The following HABP4 variants were observed in gnomAD, a reference collection of about 807,000 sequenced individuals.
HABP4 encodes the protein intracellular hyaluronan-binding protein 4.
Under a neutral mutation model 44.1 loss-of-function variants are expected in HABP4, and 32 were observed. That is an observed-to-expected ratio of 0.73 (90% CI 0.55 to 0.97). The LOEUF is 0.97. Ranked by LOEUF, HABP4 falls within the 50% of genes least tolerant of loss-of-function variation. The pLI is 0.00. For synonymous variants in HABP4, 216 were observed against 218.0 expected (o/e 0.99, Z 0.08); for missense variants, 503 against 561.9 (o/e 0.90, Z 1.06).
intron 5 of HABP4, among the ~76,000 whole-genome samples, chr9:96,479,937 G>T (rs1047045203): frequency 2.6e-5 from 4 of 152,152 alleles, no homozygotes; most frequent in African/African-American, 9.7e-5. Flanking sequence ...AGGCCAAAGT[G>T]GGTGGATTGC....
intron 5 of HABP4, among the ~76,000 whole-genome samples, chr9:96,478,493 C>T (rs1283123061): frequency 1.3e-5 from 2 of 152,044 alleles, no homozygotes; most frequent in Non-Finnish European, 2.9e-5. Flanking sequence ...GGGTAAATAC[C>T]TAGGAGTGGA....
intron 1 of HABP4, among the ~76,000 whole-genome samples, chr9:96,453,298 T>A (rs562531845): frequency 1.3e-5 from 2 of 152,008 alleles, no homozygotes; most frequent in African/African-American, 4.8e-5. Context: ...ATGGTCTCGA[T>A]CTCTTGACCT....
At position 96,488,499 on chromosome 9, in the gene HABP4, C is replaced by T. The variant is rs940952616; in HGVS notation, c.1185+225C>T. Reference sequence around the variant, plus strand: ...CCAGGGTCTGCTGTGAAGGCACTCCCGGGATCAGAGAGAAACTCACTGTCA... The same window carrying T: ...CCAGGGTCTGCTGTGAAGGCACTCCTGGGATCAGAGAGAAACTCACTGTCA... On this transcript the variant is annotated intron_variant, in intron 7 of 7. Transcript: ENST00000375249. The surrounding 1 kb of genome is among the most constrained non-coding windows in gnomAD (Gnocchi z 4.6). Among the ~76,000 whole-genome samples the T allele has an allele frequency of 2.0e-5, 3 of 152,150 alleles. No homozygotes were observed. The highest frequency in any genetic ancestry group is 4.4e-5 in the Non-Finnish European group (3 of 68,038).
At chr9:96,458,251 T>C in intron 1 of HABP4, 128 bp from the exon 2 acceptor site, 1 of 982,846 alleles carries the variant, frequency 1.0e-6, no homozygotes, top group East Asian at 2.4e-5. Flanking sequence ...TGAAGTTTTC[T>C]AAACTTCCTG....
At chr9:96,470,250 A>T (rs899908119) in intron 4 of HABP4, among the ~76,000 whole-genome samples, 2 of 151,932 alleles carry the variant, frequency 1.3e-5, no homozygotes, top group Non-Finnish European at 2.9e-5. Flanking sequence ...TCGAGACTAC[A>T]GTGAGCTGTG....
At chr9:96,463,131 A>G (rs1832534514) in intron 2 of HABP4, among the ~76,000 whole-genome samples, 2 of 152,108 alleles carry the variant, frequency 1.3e-5, no homozygotes, top group South Asian at 4.1e-4. Flanking sequence ...TTTTTAGTAG[A>G]GATGGGGTTT....
chr9:96,474,072 A>G (rs1832740272), intron 5 of HABP4, among the ~76,000 whole-genome samples: 1 of 152,200 alleles, frequency 6.6e-6, no homozygotes, highest in Admixed American at 6.5e-5. Flanking sequence ...GGTGCCTGGC[A>G]TGTAGCTAGT....
At chr9:96,474,423 T>C (rs1405222734) in intron 5 of HABP4, among the ~76,000 whole-genome samples, 1 of 152,208 alleles carries the variant, frequency 6.6e-6, no homozygotes, top group Non-Finnish European at 1.5e-5. Flanking sequence ...ATCTATAGAA[T>C]TGATTGAGAT....
chr9:96,451,377 C>T (rs1200941687), intron 1 of HABP4: 1 of 501,474 alleles, frequency 2.0e-6, no homozygotes, highest in Admixed American at 6.4e-5. Context: ...TGCCTGTGGA[C>T]GGGGAGGGTG....
chr9:96,467,350 A>G (rs1401934160), intron 4 of HABP4, among the ~76,000 whole-genome samples: 1 of 152,230 alleles, frequency 6.6e-6, no homozygotes, highest in South Asian at 2.1e-4. Context: ...CTCCTTGAAA[A>G]GAAGAGAAAC....
In HABP4 at chr9:96,470,593, A is replaced by T. The variant is rs189984617; in HGVS notation, c.744-418A>T. On this transcript the variant is annotated intron_variant, in intron 4 of 7. Coordinates refer to ENST00000375249, the MANE Select transcript of HABP4 (RefSeq NM_014282.4). ...TGTAGTTCAATTTGTGGTTACTTTT[A>T]AAAAAAAACTTACTTTAAAGCCCTC... 7.1e-4 allele frequency among the ~76,000 whole-genome samples: 107 copies of T among 150,102 alleles called. 1 individual carries two copies. The highest frequency in any genetic ancestry group is 2.3e-3 in the Admixed American group (35 of 15,106).
chr9:96,479,734 C>G (rs1270467933), intron 5 of HABP4, among the ~76,000 whole-genome samples: 9 of 152,132 alleles, frequency 5.9e-5, no homozygotes. Flanking sequence ...CTGTGTCGAT[C>G]TCCTGACCTC....
chr9:96,456,037 A>G (rs1046252702), intron 1 of HABP4, among the ~76,000 whole-genome samples: 2 of 152,178 alleles, frequency 1.3e-5, no homozygotes, highest in African/African-American at 4.8e-5. Context: ...CCTGGGTGAC[A>G]GAGCGAGACT....
chr9:96,476,621 A>G (rs181893580), intron 5 of HABP4, among the ~76,000 whole-genome samples: 18 of 152,348 alleles, frequency 1.2e-4, no homozygotes, highest in Admixed American at 1.1e-3. Flanking sequence ...ATATACTTGC[A>G]TGAGTCCTTC....
In HABP4 at chr9:96,452,916, T is replaced by G. The variant is rs1238693319; in HGVS notation, c.349+2288T>G. 1.3e-4 allele frequency among the ~76,000 whole-genome samples: 19 copies of G among 141,672 alleles called. No homozygotes were observed. In the South Asian group the frequency reaches 3.2e-3, roughly 24 times the overall value. 92.9% of individuals were successfully genotyped at this position (141,672 alleles called of 152,430 possible). On this transcript the variant is annotated intron_variant, in intron 1 of 7. Transcript: ENST00000375249. ...AGCTTTTCCTATGGAAAAGGGTTTT[T>G]TTTTTTTTTTTTTTTTTTTTTTGAG...
chr9:96,471,151 T>C, intron 5 of HABP4, 57 bp downstream of exon 5: 2 of 710,046 alleles, frequency 2.8e-6, no homozygotes, highest in Non-Finnish European at 2.2e-6. Context: ...AATGATTTCT[T>C]TTTTTTTTTT....
In HABP4 at chr9:96,491,136, T is replaced by C. The variant is rs1479677167; in HGVS notation, c.*1098T>C. 1.3e-5 allele frequency: 2 copies of C among 152,312 alleles called. No homozygotes were observed. The highest frequency in any genetic ancestry group is 2.9e-5 in the Non-Finnish European group (2 of 68,104). 9.4% of individuals were successfully genotyped at this position (152,312 alleles called of 1,614,324 possible). A position where few individuals can be genotyped will look rare whatever the true frequency, so the allele number is the denominator to read the frequency against. On this transcript the variant is annotated 3_prime_UTR_variant, in exon 8 of 8. Coordinates refer to ENST00000375249, the MANE Select transcript of HABP4 (RefSeq NM_014282.4). ...CAGGTCCAGGCAGCTGTAGAGCTGC[T>C]AGAAGCTGGGGTGTTGCTCTCCCCG...
chr9:96,450,192 G>T lies in HABP4; in HGVS notation c.-88G>T. The stretch of plus-strand genomic sequence containing the variant: ...GTAGGGCCCGGAGGGCGGTGGCGGC[G>T]GAGCGGGCGGCATGGGTCCTGGCCG... On this transcript the variant is annotated 5_prime_UTR_variant, in exon 1 of 8. Transcript: ENST00000375249. This position sits in a 1 kb window ranked among gnomAD's most constrained non-coding sequence, Gnocchi z 4.8. 1 of 1,200,748 alleles carries T rather than the reference G, an allele frequency of 8.3e-7. No individual in the cohort carries two copies. Among genetic ancestry groups the T allele is most frequent in the Non-Finnish European group, 1.0e-6 (1 of 963,428 alleles). 74.4% of individuals were successfully genotyped at this position (1,200,748 alleles called of 1,614,324 possible).
At chr9:96,456,780 A>AAAT (rs1554724388) in intron 1 of HABP4, among the ~76,000 whole-genome samples, 8 of 44,770 alleles carry the variant, frequency 1.8e-4, no homozygotes, top group Admixed American at 3.8e-4. Flanking sequence ...AAAAAAAAAA[A>AAAT]ATATATATAT....
Sources: allele counts gnomAD v4.1 joint callset (sites outside exome capture counted in the v4.1 genomes callset), GRCh38; gene constraint gnomAD v4.1.1; non-coding constraint Gnocchi (gnomAD v3.1); transcripts MANE v1.5; gene names NCBI Gene and HGNC (gene_info 2026-07-23, HGNC 2026-07-21).